TBC1D5: variants seen among roughly 807,000 people sequenced by gnomAD.
The protein encoded by TBC1D5 is TBC1 domain family, member 5.
In TBC1D5, 75 loss-of-function variants were observed where a neutral mutation model predicts 100.3. The ratio of observed to expected loss-of-function variants is 0.75; its 90% CI spans 0.62 to 0.91. TBC1D5 has a LOEUF of 0.91. TBC1D5 is among the 40% of genes least tolerant of loss of function. The pLI is 0.00. For synonymous variants in TBC1D5, 323 were observed against 325.6 expected (o/e 0.99, Z 0.09); for missense variants, 910 against 942.4 (o/e 0.97, Z 0.45).
At chr3:17,497,259 A>G (rs569338406) in intron 3 of TBC1D5, among the ~76,000 whole-genome samples, 1 of 152,138 alleles carries the variant, frequency 6.6e-6, no homozygotes, top group Non-Finnish European at 1.5e-5. Flanking sequence ...ACTCACTATA[A>G]TATCACCCTA....
intron 1 of TBC1D5, among the ~76,000 whole-genome samples, chr3:17,723,569 A>C (rs992551394): frequency 6.6e-6 from 1 of 152,190 alleles, no homozygotes; most frequent in Admixed American, 6.6e-5. Flanking sequence ...AGAATTGCTT[A>C]TACAGTTTGC....
At chr3:17,478,610 T>C (rs989236906) in intron 3 of TBC1D5, among the ~76,000 whole-genome samples, 1 of 152,232 alleles carries the variant, frequency 6.6e-6, no homozygotes, top group Non-Finnish European at 1.5e-5. Flanking sequence ...TGTTCACTGC[T>C]AGTATACAAA....
chr3:17,453,094 A>AG (rs1331651639), intron 3 of TBC1D5, among the ~76,000 whole-genome samples: 1 of 149,892 alleles, frequency 6.7e-6, no homozygotes, highest in Non-Finnish European at 1.5e-5. Context: ...AAAAAAAAAA[A>AG]AAGAAAAGTG....
intron 1 of TBC1D5, among the ~76,000 whole-genome samples, chr3:17,692,509 G>T (rs2071322426): frequency 6.6e-6 from 1 of 152,116 alleles, no homozygotes; most frequent in Admixed American, 6.6e-5. Flanking sequence ...CTATGTAAGA[G>T]CAGTCAAGAG....
At chr3:17,265,235 C>A (rs867360723) in intron 15 of TBC1D5, among the ~76,000 whole-genome samples, 1 of 140,836 alleles carries the variant, frequency 7.1e-6, no homozygotes, top group Non-Finnish European at 1.5e-5. Flanking sequence ...AAATGATAGT[C>A]ACAATTTTTA....
intron 3 of TBC1D5, among the ~76,000 whole-genome samples, chr3:17,438,302 TAGTATTA>T (rs1002666266): frequency 2.0e-5 from 3 of 152,108 alleles, no homozygotes; most frequent in Non-Finnish European, 4.4e-5. Context: ...CTTGGAGAAA[TAGTATTA>T]AGGCCATAAA....
chr3:17,492,903 C>A (rs754783606), intron 3 of TBC1D5, among the ~76,000 whole-genome samples: 5 of 151,832 alleles, frequency 3.3e-5, no homozygotes, highest in Admixed American at 6.6e-5. Context: ...TTGCCATTTT[C>A]TGTCTTTTAA....
chr3:17,536,606 C>T (rs2096283876), intron 2 of TBC1D5, among the ~76,000 whole-genome samples: 1 of 152,156 alleles, frequency 6.6e-6, no homozygotes, highest in South Asian at 2.1e-4. Context: ...GGACCATGAC[C>T]TGGGGAACAG....
chr3:17,526,511 C>G (rs1275096097), intron 2 of TBC1D5, among the ~76,000 whole-genome samples: 1 of 152,192 alleles, frequency 6.6e-6, no homozygotes, highest in African/African-American at 2.4e-5. Flanking sequence ...ACTATTGACA[C>G]TGGTGATTTA....
intron 13 of TBC1D5, among the ~76,000 whole-genome samples, chr3:17,314,476 T>G (rs762846120): frequency 6.6e-6 from 1 of 152,152 alleles, no homozygotes; most frequent in Non-Finnish European, 1.5e-5. Context: ...CTCAGGAACC[T>G]TCCCCTTTCA....
chr3:17,533,272 T>C (rs1225585863), intron 2 of TBC1D5, among the ~76,000 whole-genome samples: 2 of 152,120 alleles, frequency 1.3e-5, no homozygotes, highest in Non-Finnish European at 2.9e-5. Flanking sequence ...TTAATGCCAA[T>C]ATATAAAGAA....
intron 13 of TBC1D5, among the ~76,000 whole-genome samples, chr3:17,319,419 T>C (rs2085089430): frequency 6.9e-6 from 1 of 144,538 alleles, no homozygotes; most frequent in Non-Finnish European, 1.5e-5. Context: ...GGAGTTATTG[T>C]TTTGCTAATT....
chr3:17,741,543 C>A (rs945473002), upstream of TBC1D5, among the ~76,000 whole-genome samples: 11 of 152,188 alleles, frequency 7.2e-5, no homozygotes, highest in Non-Finnish European at 1.6e-4. Flanking sequence ...CTGGTCCAAA[C>A]GTGTGAAACC....
At chr3:17,390,483 T>C (rs1488631164) in intron 8 of TBC1D5, among the ~76,000 whole-genome samples, 1 of 152,098 alleles carries the variant, frequency 6.6e-6, no homozygotes, top group African/African-American at 2.4e-5. Flanking sequence ...AGACAAAGCA[T>C]TGGGCTCAGA....
chr3:17,460,946 C>T (rs190808758), intron 3 of TBC1D5, among the ~76,000 whole-genome samples: 1 of 152,078 alleles, frequency 6.6e-6, no homozygotes, highest in African/African-American at 2.4e-5. Context: ...ATGCAGTCTA[C>T]GATAGATTAT....
chr3:17,219,712 TACTA>T (rs1013961875), intron 17 of TBC1D5, among the ~76,000 whole-genome samples: 2 of 152,078 alleles, frequency 1.3e-5, no homozygotes, highest in African/African-American at 4.8e-5. Context: ...TAAGGTTACT[TACTA>T]GTTTTCAAAG....
At chr3:17,437,399 G>A (rs17043623) in intron 3 of TBC1D5, among the ~76,000 whole-genome samples, 8 of 151,876 alleles carry the variant, frequency 5.3e-5, no homozygotes, top group Non-Finnish European at 1.2e-4. Context: ...ACCTGATGTC[G>A]TAGAAATATA....
At chr3:17,447,966 T>G (rs908964275) in intron 3 of TBC1D5, among the ~76,000 whole-genome samples, 4 of 152,192 alleles carry the variant, frequency 2.6e-5, no homozygotes, top group Admixed American at 1.3e-4. Flanking sequence ...ATTATCATTT[T>G]CTTATTGATT....
chr3:17,241,306 G>A lies in TBC1D5; in HGVS notation c.1332-2887C>T, dbSNP rs540734880. Among the ~76,000 whole-genome samples, 9 of 152,250 alleles carry A rather than the reference G, an allele frequency of 5.9e-5. No individual in the cohort carries two copies. The South Asian group carries it at 1.2e-3, about 21-fold the overall frequency. On this transcript the variant is annotated intron_variant, in intron 16 of 21. Coordinates refer to ENST00000253692, the Ensembl canonical transcript of TBC1D5. ...TGTGATGTGTATGATTAAGTCATGC[G>A]TGCTAAATTAATGAAAATTAAAGTA... is the stretch of plus-strand genomic sequence containing the variant.
Sources: allele counts gnomAD v4.1 joint callset (sites outside exome capture counted in the v4.1 genomes callset), GRCh38; gene constraint gnomAD v4.1.1; transcripts MANE v1.5; gene names NCBI Gene and HGNC (gene_info 2026-07-23, HGNC 2026-07-21).